ZNG1B: variants seen among roughly 807,000 people sequenced by gnomAD.
The protein encoded by ZNG1B is zinc-regulated GTPase metalloprotein activator 1B.
At chr2:113,438,094 C>G in the ZNG1B span, 1 of 1,608,610 alleles carries the variant, frequency 6.2e-7, no homozygotes. Flanking sequence ...GCCGGTGCCT[C>G]TTCTCCTGAG....
At chr2:113,453,650 G>T in the ZNG1B span, among the ~76,000 whole-genome samples, 1 of 150,822 alleles carries the variant, frequency 6.6e-6, no homozygotes, top group African/African-American at 2.5e-5. Flanking sequence ...TCACACTTTA[G>T]TTTAATGATG....
the ZNG1B span, among the ~76,000 whole-genome samples, chr2:113,487,511 C>T: frequency 6.6e-6 from 1 of 151,818 alleles, no homozygotes; most frequent in East Asian, 1.9e-4. Context: ...TAAAATTATA[C>T]CCATTGAACA....
chr2:113,446,253 A>C, the ZNG1B span, among the ~76,000 whole-genome samples: 5 of 152,026 alleles, frequency 3.3e-5, no homozygotes, highest in East Asian at 9.6e-4. Flanking sequence ...TTTTCAGAGG[A>C]AGAAAGAAAA....
chr2:113,480,913 T>C, the ZNG1B span, among the ~76,000 whole-genome samples: 3 of 130,472 alleles, frequency 2.3e-5, no homozygotes, highest in Non-Finnish European at 4.8e-5. Flanking sequence ...ACAAAAATTG[T>C]TATAAGATTA....
the ZNG1B span, chr2:113,462,268 A>G: frequency 1.2e-5 from 11 of 891,660 alleles, no homozygotes; most frequent in Admixed American, 1.1e-4. Flanking sequence ...AGAGCACTGT[A>G]TAATTCTTAA....
At chr2:113,457,560 T>C in the ZNG1B span, among the ~76,000 whole-genome samples, 1 of 149,334 alleles carries the variant, frequency 6.7e-6, no homozygotes, top group Admixed American at 6.8e-5. Flanking sequence ...AAGGACACCC[T>C]ATAGCCCTTC....
the ZNG1B span, among the ~76,000 whole-genome samples, chr2:113,443,411 A>G: frequency 6.6e-6 from 1 of 151,940 alleles, no homozygotes; most frequent in Non-Finnish European, 1.5e-5. Context: ...TACAAAATCC[A>G]GTATATAAAA....
the ZNG1B span, chr2:113,470,255 A>G: frequency 3.3e-5 from 5 of 152,040 alleles, no homozygotes; most frequent in Middle Eastern, 3.1e-3. Flanking sequence ...CGGCCTCCCA[A>G]AGTGCTGGGA....
the ZNG1B span, among the ~76,000 whole-genome samples, chr2:113,446,772 G>GCA: frequency 3.2e-3 from 457 of 143,380 alleles, 2 homozygotes; most frequent in Middle Eastern, 0.011. Flanking sequence ...ACATGCACAC[G>GCA]CACACACACA....
At chr2:113,439,971 G>A in the ZNG1B span, among the ~76,000 whole-genome samples, 5 of 126,334 alleles carry the variant, frequency 4.0e-5, no homozygotes, top group Admixed American at 1.9e-4. Flanking sequence ...TGCAAGCTCC[G>A]CCTGCCGGGT....
the ZNG1B span, among the ~76,000 whole-genome samples, chr2:113,448,569 A>G: frequency 1.3e-5 from 2 of 150,014 alleles, no homozygotes; most frequent in African/African-American, 4.9e-5. Flanking sequence ...AAAGTCCTAA[A>G]TGGCATCTTC....
chr2:113,437,876 C>A, the ZNG1B span: 1 of 1,611,700 alleles, frequency 6.2e-7, no homozygotes, highest in Non-Finnish European at 8.5e-7. Context: ...GGAATGTTAC[C>A]GGCTGTTGGA....
At chr2:113,450,151 C>A in the ZNG1B span, among the ~76,000 whole-genome samples, 1 of 150,724 alleles carries the variant, frequency 6.6e-6, no homozygotes, top group Non-Finnish European at 1.5e-5. Context: ...CTAAGTGTCA[C>A]TTATAATCAT....
At chr2:113,473,389 G>A in the ZNG1B span, among the ~76,000 whole-genome samples, 486 of 147,702 alleles carry the variant, frequency 3.3e-3, 7 homozygotes, top group African/African-American at 0.011. Context: ...ATTTTGGGCT[G>A]AGATGATGGG....
chr2:113,442,990 A>G, the ZNG1B span, among the ~76,000 whole-genome samples: 1 of 149,828 alleles, frequency 6.7e-6, no homozygotes, highest in Non-Finnish European at 1.5e-5. Flanking sequence ...TTTTTTTGAG[A>G]TGGAGTCTCG....
At chr2:113,459,735 T>C in the ZNG1B span, among the ~76,000 whole-genome samples, 2 of 151,114 alleles carry the variant, frequency 1.3e-5, no homozygotes, top group African/African-American at 2.4e-5. Context: ...TGGCTTCAAA[T>C]AGAGAGTATT....
chr2:113,463,637 G>T, the ZNG1B span, among the ~76,000 whole-genome samples: 2 of 152,090 alleles, frequency 1.3e-5, no homozygotes, highest in African/African-American at 4.8e-5. Flanking sequence ...ATCTGCTTGG[G>T]TTCTAATCCT....
chr2:113,461,061 T>A, the ZNG1B span, among the ~76,000 whole-genome samples: 4,645 of 145,488 alleles, frequency 0.032, 116 homozygotes, highest in East Asian at 0.14. Flanking sequence ...TAATAATAAT[T>A]ATTATTATTA....
the ZNG1B span, among the ~76,000 whole-genome samples, chr2:113,459,548 A>C: frequency 6.6e-6 from 1 of 151,958 alleles, no homozygotes; most frequent in Non-Finnish European, 1.5e-5. Flanking sequence ...CAATTAAAAA[A>C]AAAAGTCCCT....
Sources: allele counts gnomAD v4.1 joint callset (sites outside exome capture counted in the v4.1 genomes callset), GRCh38; gene constraint gnomAD v4.1.1; transcripts MANE v1.5; gene names NCBI Gene and HGNC (gene_info 2026-07-23, HGNC 2026-07-21).